Variants in NUP210L observed in about 807,000 individuals in gnomAD.
The protein encoded by NUP210L is nuclear pore membrane glycoprotein 210-like.
Under a neutral mutation model 208.5 loss-of-function variants are expected in NUP210L, and 74 were observed. The ratio of observed to expected loss-of-function variants is 0.35; its 90% CI spans 0.29 to 0.43. The LOEUF is 0.43. Among genes scored for constraint, NUP210L ranks in the 20% least tolerant of loss-of-function variants. The pLI, the probability that NUP210L is intolerant of heterozygous loss-of-function variation, is 1.00. For missense variants in NUP210L, 1,843 were observed against 2,289.4 expected, an observed-to-expected ratio of 0.81 and a Z score of 3.98; for synonymous variants, 780 against 816.9, an observed-to-expected ratio of 0.95 and a Z score of 0.77.
intron 27 of NUP210L, among the ~76,000 whole-genome samples, chr1:154,033,421 T>C (rs1376232293): frequency 6.6e-6 from 1 of 152,206 alleles, no homozygotes; most frequent in Non-Finnish European, 1.5e-5. Context: ...ATTTGATTTT[T>C]GCATATGGCG....
chr1:154,133,734 G>A (rs907935530), intron 7 of NUP210L, among the ~76,000 whole-genome samples: 1 of 151,804 alleles, frequency 6.6e-6, no homozygotes, highest in Non-Finnish European at 1.5e-5. Flanking sequence ...CCAGCTACTT[G>A]GGAGGCTGAG....
At chr1:154,088,241 G>A (rs770771118) in intron 16 of NUP210L, among the ~76,000 whole-genome samples, 1 of 151,866 alleles carries the variant, frequency 6.6e-6, no homozygotes, top group Non-Finnish European at 1.5e-5. Flanking sequence ...GGGGGGTTGA[G>A]TTGGGAAAAT....
At chr1:154,061,109 G>C in intron 18 of NUP210L, 63 bp from the exon 19 acceptor site, 1 of 1,182,574 alleles carries the variant, frequency 8.5e-7, no homozygotes, top group Non-Finnish European at 1.3e-6. Flanking sequence ...CGCCCACGGT[G>C]GCTTACGCTT....
intron 16 of NUP210L, among the ~76,000 whole-genome samples, chr1:154,071,694 G>C (rs2148014009): frequency 7.2e-6 from 1 of 139,494 alleles, no homozygotes; most frequent in South Asian, 2.3e-4. Context: ...GGAGTGCAGT[G>C]GCACAATTTT....
At chr1:154,100,099 C>T (rs749700662) in exon 14 of NUP210L, 55 of 1,613,780 alleles carry the variant, frequency 3.4e-5, no homozygotes, top group African/African-American at 2.9e-4. Flanking sequence ...GATTTAGCTG[C>T]GATATGTGTA....
intron 7 of NUP210L, among the ~76,000 whole-genome samples, chr1:154,134,825 T>TC (rs911058424): frequency 9.7e-5 from 14 of 144,228 alleles, no homozygotes; most frequent in African/African-American, 3.5e-4. Context: ...AACCTCCACT[T>TC]CCCGGGGGTT....
chr1:154,020,803 G>A (rs1651507956), intron 32 of NUP210L, among the ~76,000 whole-genome samples: 1 of 151,950 alleles, frequency 6.6e-6, no homozygotes, highest in Admixed American at 6.6e-5. Flanking sequence ...GGGGTTACAG[G>A]CGTGAGTCAC....
intron 31 of NUP210L, among the ~76,000 whole-genome samples, chr1:154,022,779 G>A (rs1651641258): frequency 6.7e-6 from 1 of 149,880 alleles, no homozygotes; most frequent in South Asian, 2.1e-4. Flanking sequence ...CTGGGCTCAA[G>A]TGATCCTCCC....
intron 16 of NUP210L, among the ~76,000 whole-genome samples, chr1:154,073,966 G>A (rs557998169): frequency 3.3e-5 from 5 of 152,028 alleles, no homozygotes; most frequent in African/African-American, 1.2e-4. Flanking sequence ...GCCATGATGG[G>A]AGTATTAACA....
At chr1:154,028,107 A>G (rs1404789320) in intron 28 of NUP210L, among the ~76,000 whole-genome samples, 2 of 152,202 alleles carry the variant, frequency 1.3e-5, no homozygotes, top group African/African-American at 4.8e-5. Flanking sequence ...AAAAGAAAAA[A>G]AAAGTCTCAA....
At chr1:154,136,959 T>G (rs2148135840) in intron 6 of NUP210L, among the ~76,000 whole-genome samples, 1 of 150,524 alleles carries the variant, frequency 6.6e-6, no homozygotes, top group African/African-American at 2.4e-5. Flanking sequence ...TAACTTTTAG[T>G]ATCAACAGAA....
At chr1:154,055,176 T>TTTC (rs749203226) in intron 23 of NUP210L, among the ~76,000 whole-genome samples, 9,978 of 120,116 alleles carry the variant, frequency 0.083, 481 homozygotes, top group Admixed American at 0.1. Flanking sequence ...TCTTTCTTTC[T>TTTC]TTCTTTCTTT....
intron 29 of NUP210L, among the ~76,000 whole-genome samples, chr1:154,026,681 A>G (rs1651892362): frequency 6.6e-6 from 1 of 152,182 alleles, no homozygotes; most frequent in East Asian, 1.9e-4. Flanking sequence ...ATTATAAACT[A>G]AATGTGGTAT....
intron 14 of NUP210L, among the ~76,000 whole-genome samples, chr1:154,095,501 T>C (rs1656136705): frequency 6.6e-6 from 1 of 152,254 alleles, no homozygotes; most frequent in African/African-American, 2.4e-5. Flanking sequence ...ATGCTATGTA[T>C]AAATCTAATA....
chr1:154,075,053 T>C (rs1430780178), intron 16 of NUP210L, among the ~76,000 whole-genome samples: 5 of 152,206 alleles, frequency 3.3e-5, no homozygotes, highest in African/African-American at 9.6e-5. Flanking sequence ...GAGCACTTCT[T>C]TGCTTTCTAA....
exon 25 of NUP210L, chr1:154,054,240 A>C (rs1376537359): frequency 1.2e-6 from 2 of 1,614,164 alleles, no homozygotes; most frequent in South Asian, 1.1e-5. Context: ...GAGAAAACAC[A>C]ATGACTTTGC....
chr1:154,117,018 G>A (rs1417310098), intron 12 of NUP210L, among the ~76,000 whole-genome samples: 1 of 152,168 alleles, frequency 6.6e-6, no homozygotes, highest in African/African-American at 2.4e-5. Flanking sequence ...AAGTTTCTCT[G>A]AACTTGTAGA....
In NUP210L at chr1:154,129,481, A is replaced by G. The variant is rs531627501; in HGVS notation, c.1010-136T>C. On this transcript the variant is annotated intron_variant, in intron 7 of 39. Coordinates refer to ENST00000368559, the Ensembl canonical transcript of NUP210L. ...TCCTATCTTTTATTATCCTTTGGAA[A>G]GCCAAAACTTAAATGTGTATACTTC... 2.2e-5 allele frequency: 14 copies of G among 633,216 alleles called. No homozygotes were observed. The East Asian group carries it at 3.2e-4, about 15-fold the overall frequency. The allele number at this position is 633,216 out of a possible 1,614,324, so 39.2% of individuals were successfully genotyped here.
intron 7 of NUP210L, among the ~76,000 whole-genome samples, chr1:154,132,139 T>C (rs1326103401): frequency 6.6e-6 from 1 of 152,164 alleles, no homozygotes; most frequent in East Asian, 1.9e-4. Context: ...TTTTAAGCAT[T>C]CCTTCAGATC....
Sources: allele counts gnomAD v4.1 joint callset (sites outside exome capture counted in the v4.1 genomes callset), GRCh38; gene constraint gnomAD v4.1.1; transcripts MANE v1.5; gene names NCBI Gene and HGNC (gene_info 2026-07-23, HGNC 2026-07-21).